Variants in GRB2 observed in about 807,000 individuals in gnomAD.
The protein encoded by GRB2 is growth factor receptor-bound protein 2.
A neutral mutation model predicts 27.4 loss-of-function variants in GRB2; 2 were observed. The ratio of observed to expected loss-of-function variants is 0.07; its 90% CI spans 0.03 to 0.23. The LOEUF is 0.23. Among genes scored for constraint, GRB2 ranks in the 10% least tolerant of loss-of-function variants. The probability of loss-of-function intolerance (pLI) is 1.00; values close to 1 mark genes in which losing one functional copy is unlikely to be tolerated. For synonymous variants in GRB2, 94 were observed against 99.6 expected, an observed-to-expected ratio of 0.94 and a Z score of 0.33; for missense variants, 102 against 282.4, an observed-to-expected ratio of 0.36 and a Z score of 4.58.
At chr17:75,351,719 G>A (rs1274912461) in intron 2 of GRB2, among the ~76,000 whole-genome samples, 1 of 151,994 alleles carries the variant, frequency 6.6e-6, no homozygotes, top group African/African-American at 2.4e-5. Context: ...TATATTAAAG[G>A]GATAATCCCT....
intron 2 of GRB2, among the ~76,000 whole-genome samples, chr17:75,361,849 G>A (rs1194227438): frequency 6.6e-6 from 1 of 151,740 alleles, no homozygotes; most frequent in East Asian, 1.9e-4. Context: ...TTGAGGCCAG[G>A]AGTTCGAGAC....
chr17:75,354,264 TGG>T (rs755108476), intron 2 of GRB2, among the ~76,000 whole-genome samples: 5 of 38,274 alleles, frequency 1.3e-4, no homozygotes, highest in Admixed American at 3.2e-4. Flanking sequence ...TCTTTTTTTT[TGG>T]GGGGGGGGGG....
In GRB2 at chr17:75,324,507, G is replaced by GTTTTTTTTTTTT. The variant is rs767194304; in HGVS notation, c.299+1379_299+1390dup. ...TTACAGGTGTGAGCCACCGCACCCA[G>GTTTTTTTTTTTT]TTTTTTTTTTTTTTTTTTTTTTTTT... On this transcript the variant is annotated intron_variant, in intron 4 of 5. Transcript: ENST00000316804. 8.2e-4 allele frequency among the ~76,000 whole-genome samples: 30 copies of GTTTTTTTTTTTT among 36,686 alleles called. 2 individuals are homozygous for GTTTTTTTTTTTT. The highest frequency in any genetic ancestry group is 5.3e-3 in the East Asian group (2 of 378). 24.1% of individuals were successfully genotyped at this position (36,686 alleles called of 152,430 possible). A position where few individuals can be genotyped will look rare whatever the true frequency, so the allele number is the denominator to read the frequency against.
intron 2 of GRB2, among the ~76,000 whole-genome samples, chr17:75,344,694 T>C (rs2078643432): frequency 6.6e-6 from 1 of 152,104 alleles, no homozygotes. Flanking sequence ...GCGCTCGGCC[T>C]CAACTGTAGC....
Position 75,397,866 on chromosome 17 carries a change from G to C in GRB2, c.-137-4101C>G, listed in dbSNP as rs547785440. On this transcript the variant is annotated intron_variant, in intron 1 of 5. Transcript: ENST00000316804. ...ATTTATTTATTTATTTTTTGAGACAGCATCTAGCTCTGTCGCCCAGGCTGG... is the reference window on the plus strand; with the variant it reads ...ATTTATTTATTTATTTTTTGAGACACCATCTAGCTCTGTCGCCCAGGCTGG... Among the ~76,000 whole-genome samples the C allele has an allele frequency of 6.0e-4, 84 of 139,004 alleles. 1 individual carries two copies. Among genetic ancestry groups the C allele is most frequent in the African/African-American group, 2.4e-3 (81 of 33,288 alleles). 91.2% of individuals were successfully genotyped at this position (139,004 alleles called of 152,430 possible).
intron 4 of GRB2, among the ~76,000 whole-genome samples, 181 bp downstream of exon 4, chr17:75,325,717 A>C (rs2078494719): frequency 6.6e-6 from 1 of 152,224 alleles, no homozygotes; most frequent in Admixed American, 6.5e-5. Flanking sequence ...GGGAATCTAC[A>C]TCCAGTGCTT....
chr17:75,355,186 C>G (rs2078723769), intron 2 of GRB2, among the ~76,000 whole-genome samples: 1 of 152,214 alleles, frequency 6.6e-6, no homozygotes, highest in African/African-American at 2.4e-5. Context: ...TCTCTTCTTG[C>G]CTGCTCAAGG....
chr17:75,373,573 T>C (rs956692756), intron 2 of GRB2: 8 of 152,208 alleles, frequency 5.3e-5, no homozygotes, highest in Non-Finnish European at 1.0e-4. Flanking sequence ...AAAGCAGTCC[T>C]GAGTGCTGCT....
intron 2 of GRB2, among the ~76,000 whole-genome samples, chr17:75,359,825 T>C (rs989548640): frequency 2.0e-5 from 3 of 152,196 alleles, no homozygotes; most frequent in Non-Finnish European, 2.9e-5. Context: ...TGTCTCAATA[T>C]ACTCTTTTCT....
At chr17:75,377,849 G>A (rs2078904127) in intron 2 of GRB2, among the ~76,000 whole-genome samples, 2 of 152,102 alleles carry the variant, frequency 1.3e-5, no homozygotes, top group Admixed American at 1.3e-4. Context: ...AGAGGTTGCA[G>A]TGAGCCAAGA....
At position 75,385,029 on chromosome 17, in the gene GRB2, C is replaced by CAAAAA. The variant is rs58860615; in HGVS notation, c.78+8517_78+8521dup. Reference sequence around the variant, plus strand: ...CAACAGTGAGACCTCCTGGCTCTACCAAAAAAAAAAAAAAAAAAAAAAAAA... The same window carrying CAAAAA: ...CAACAGTGAGACCTCCTGGCTCTACCAAAAAAAAAAAAAAAAAAAAAAAAAAAAAA... On this transcript the variant is annotated intron_variant, in intron 2 of 5. Coordinates refer to ENST00000316804, the MANE Select transcript of GRB2 (RefSeq NM_002086.5). 4.5e-4 allele frequency among the ~76,000 whole-genome samples: 25 copies of CAAAAA among 55,314 alleles called. 2 individuals are homozygous for CAAAAA. The highest frequency in any genetic ancestry group is 1.4e-3 in the African/African-American group (15 of 10,630). 36.3% of individuals were successfully genotyped at this position (55,314 alleles called of 152,430 possible). A position where few individuals can be genotyped will look rare whatever the true frequency, so the allele number is the denominator to read the frequency against.
chr17:75,319,896 A>T lies in GRB2; in HGVS notation c.*472T>A, dbSNP rs2078446282. The T allele has an allele frequency of 6.5e-6, 1 of 154,718 alleles. No homozygotes were observed. Among genetic ancestry groups the T allele is most frequent in the African/African-American group, 2.4e-5 (1 of 41,488 alleles). The allele number at this position is 154,718 out of a possible 1,614,324, so 9.6% of individuals were successfully genotyped here. A position where few individuals can be genotyped will look rare whatever the true frequency, so the allele number is the denominator to read the frequency against. On this transcript the variant is annotated 3_prime_UTR_variant, in exon 6 of 6. Coordinates refer to ENST00000316804, the MANE Select transcript of GRB2 (RefSeq NM_002086.5). ...AGGAAGCTAAACAGCAAAGGCATCG[A>T]GCGGCCCTGCCCGCTCCTTTTTGTG...
rs564142095 is a variant in GRB2 at position 75,365,142 on chromosome 17, G to A, written c.78+28409C>T. ...TGATTGCTATAATGAGAATATGTGA[G>A]CTCCACAAGCTGGCAGGTGTCCGAC... On this transcript the variant is annotated intron_variant, in intron 2 of 5. Coordinates refer to ENST00000316804, the MANE Select transcript of GRB2 (RefSeq NM_002086.5). Among the ~76,000 whole-genome samples, 5 of 152,148 alleles carry A rather than the reference G, an allele frequency of 3.3e-5. No individual in the cohort carries two copies. The East Asian group carries it at 7.7e-4, about 24-fold the overall frequency.
chr17:75,395,718 A>C (rs2079025167), intron 1 of GRB2, among the ~76,000 whole-genome samples: 1 of 152,168 alleles, frequency 6.6e-6, no homozygotes, highest in South Asian at 2.1e-4. Context: ...TGAAAGGTGA[A>C]GATTTAGTTT....
At chr17:75,366,048 C>T (rs1048438385) in intron 2 of GRB2, among the ~76,000 whole-genome samples, 5 of 151,962 alleles carry the variant, frequency 3.3e-5, no homozygotes, top group African/African-American at 7.3e-5. Context: ...ATTTTAATAG[C>T]GGGAGGCAGA....
chr17:75,405,133 C>T (rs929045587), intron 1 of GRB2: 1 of 152,278 alleles, frequency 6.6e-6, no homozygotes, highest in Non-Finnish European at 1.5e-5. Context: ...CCACACCAGT[C>T]CCCCGCCGCC....
Position 75,346,999 on chromosome 17 carries a change from G to C in GRB2, c.79-14202C>G, listed in dbSNP as rs1345545009. 2.0e-5 allele frequency among the ~76,000 whole-genome samples: 3 copies of C among 152,108 alleles called. No homozygotes were observed. The South Asian group carries it at 6.2e-4, about 32-fold the overall frequency. ...TCAGGTCAGGGCATTCATTCTCCCAGCTCCCACCCTGAGAGTGTCTGTGGA... is the reference window on the plus strand; with the variant it reads ...TCAGGTCAGGGCATTCATTCTCCCACCTCCCACCCTGAGAGTGTCTGTGGA... On this transcript the variant is annotated intron_variant, in intron 2 of 5. Transcript: ENST00000316804.
intron 3 of GRB2, among the ~76,000 whole-genome samples, chr17:75,327,078 T>TC (rs1423460925): frequency 6.7e-6 from 1 of 150,228 alleles, no homozygotes; most frequent in Admixed American, 6.6e-5. Context: ...CTTTTCTTTT[T>TC]TTTTTTTTTT....
intron 2 of GRB2, among the ~76,000 whole-genome samples, chr17:75,344,822 C>T (rs12936855): frequency 1.3e-5 from 2 of 152,072 alleles, no homozygotes; most frequent in East Asian, 3.9e-4. Flanking sequence ...AAATAAAACA[C>T]AAAGCCTCCC....
Sources: allele counts gnomAD v4.1 joint callset (sites outside exome capture counted in the v4.1 genomes callset), GRCh38; gene constraint gnomAD v4.1.1; transcripts MANE v1.5; gene names NCBI Gene and HGNC (gene_info 2026-07-23, HGNC 2026-07-21).